The following PIAS4 variants were observed in gnomAD, a reference collection of about 807,000 sequenced individuals.
The protein encoded by PIAS4 is E3 SUMO-protein ligase PIAS4.
PIAS4 carries 7 observed loss-of-function variants against 58.0 expected under a neutral mutation model. The ratio of observed to expected loss-of-function variants is 0.12; its 90% CI spans 0.07 to 0.23. The LOEUF (loss-of-function observed/expected upper bound fraction) is 0.23. PIAS4 is among the 10% of genes least tolerant of loss of function. PIAS4 has a pLI of 1.00. For synonymous variants in PIAS4, 364 were observed against 312.4 expected (o/e 1.17, Z -1.74); for missense variants, 550 against 709.5 (o/e 0.78, Z 2.55).
intron 9 of PIAS4, among the ~76,000 whole-genome samples, chr19:4,035,575 G>A (rs969796270): frequency 2.6e-5 from 4 of 152,080 alleles, no homozygotes; most frequent in Admixed American, 6.5e-5. Context: ...TGGCATGGGC[G>A]TGGGGAGCCC....
At chr19:4,016,091 G>T (rs927625656) in intron 2 of PIAS4, among the ~76,000 whole-genome samples, 2 of 152,234 alleles carry the variant, frequency 1.3e-5, no homozygotes, top group East Asian at 3.8e-4. Context: ...AGAGGCTCTG[G>T]CCTGGACCTC....
chr19:4,029,059 G>T, intron 7 of PIAS4, 23 bp downstream of exon 7: 1 of 1,534,942 alleles, frequency 6.5e-7, no homozygotes. Context: ...GGCCACCTCG[G>T]CCGAGGGGTG....
chr19:4,018,229 C>T (rs541737163), intron 2 of PIAS4, among the ~76,000 whole-genome samples: 73 of 152,358 alleles, frequency 4.8e-4, no homozygotes, highest in African/African-American at 1.7e-3. Flanking sequence ...CCCTGCTGCC[C>T]GAGTGGGCCG....
intron 3 of PIAS4, among the ~76,000 whole-genome samples, chr19:4,025,822 G>A (rs553783948): frequency 5.1e-4 from 78 of 152,106 alleles, no homozygotes; most frequent in African/African-American, 1.7e-3. Flanking sequence ...AACTGTAATC[G>A]CAGCCCTTTG....
At chr19:4,034,165 G>T (rs1283562311) in intron 9 of PIAS4, among the ~76,000 whole-genome samples, 2 of 152,330 alleles carry the variant, frequency 1.3e-5, no homozygotes, top group Admixed American at 1.3e-4. Context: ...TGCGGCTCCT[G>T]CCCGGCGCCG....
At chr19:4,009,389 G>A (rs2039972362) in intron 1 of PIAS4, among the ~76,000 whole-genome samples, 1 of 152,194 alleles carries the variant, frequency 6.6e-6, no homozygotes, top group Non-Finnish European at 1.5e-5. Flanking sequence ...AAAGTGGCAG[G>A]CTCTGGGCTT....
chr19:4,038,011 T>G lies in PIAS4; in HGVS notation c.*136T>G. Reference sequence around the variant, plus strand: ...TTGTTTTTCCACCCTTTTGCCTGGCTCCTGGCACCTGTACCTCTGGACTCT... The same window carrying G: ...TTGTTTTTCCACCCTTTTGCCTGGCGCCTGGCACCTGTACCTCTGGACTCT... On this transcript the variant is annotated 3_prime_UTR_variant, in exon 11 of 11. Transcript: ENST00000262971. This position sits in a 1 kb window ranked among gnomAD's most constrained non-coding sequence, Gnocchi z 4.1. 13 of 827,906 alleles carry G rather than the reference T, an allele frequency of 1.6e-5. No individual in the cohort carries two copies. The highest frequency in any genetic ancestry group is 2.4e-5 in the Non-Finnish European group (13 of 538,272). 51.3% of individuals were successfully genotyped at this position (827,906 alleles called of 1,614,324 possible). A position where few individuals can be genotyped will look rare whatever the true frequency, so the allele number is the denominator to read the frequency against.
intron 2 of PIAS4, among the ~76,000 whole-genome samples, chr19:4,019,162 G>T (rs915892475): frequency 1.3e-5 from 2 of 152,188 alleles, no homozygotes; most frequent in Admixed American, 1.3e-4. Context: ...ATGCCACCTG[G>T]GTTTCTGGCC....
chr19:4,007,911 C>T, intron 1 of PIAS4, 124 bp downstream of exon 1: 1 of 698,602 alleles, frequency 1.4e-6, no homozygotes, highest in Middle Eastern at 5.0e-4. Flanking sequence ...GCTCGCCGTC[C>T]CGGCCCCCAG....
chr19:4,033,245 C>T (rs984161029), intron 8 of PIAS4, 72 bp downstream of exon 8: 30 of 1,509,668 alleles, frequency 2.0e-5, no homozygotes, highest in Middle Eastern at 1.7e-4. Context: ...GCCCTGGGCC[C>T]GGGGCGGCTT....
At chr19:4,030,618 C>CAA (rs900631829) in intron 7 of PIAS4, among the ~76,000 whole-genome samples, 5 of 121,336 alleles carry the variant, frequency 4.1e-5, no homozygotes, top group African/African-American at 1.2e-4. Flanking sequence ...GACTCCATCT[C>CAA]AAAAAAAAAA....
intron 7 of PIAS4, among the ~76,000 whole-genome samples, chr19:4,029,444 C>T (rs1461313210): frequency 2.0e-5 from 3 of 152,234 alleles, no homozygotes; most frequent in South Asian, 2.1e-4. Flanking sequence ...CGGGACCTGG[C>T]GGGTCACGGA....
intron 9 of PIAS4, among the ~76,000 whole-genome samples, chr19:4,036,868 CAT>C (rs1388499469): frequency 3.3e-5 from 5 of 151,286 alleles, no homozygotes; most frequent in Admixed American, 6.7e-5. Flanking sequence ...GCCACACATC[CAT>C]ACAGTCCACA....
At chr19:4,010,840 G>A (rs529960750) in intron 1 of PIAS4, among the ~76,000 whole-genome samples, 10 of 152,354 alleles carry the variant, frequency 6.6e-5, no homozygotes, top group African/African-American at 2.2e-4. Context: ...ACGGGGCCCC[G>A]CAGCCCTGAT....
intron 4 of PIAS4, 148 bp downstream of exon 4, chr19:4,028,335 G>A (rs2040188283): frequency 1.2e-6 from 1 of 815,138 alleles, no homozygotes. Context: ...CCTGTCTGGG[G>A]ATACATCACC....
Position 4,037,282 on chromosome 19 carries a change from G to C in PIAS4, c.1143-92G>C. On this transcript the variant is annotated intron_variant, in intron 9 of 10. Coordinates refer to ENST00000262971, the MANE Select transcript of PIAS4 (RefSeq NM_015897.4). The surrounding 1 kb of genome is among the most constrained non-coding windows in gnomAD (Gnocchi z 5.8). ...CTGCTCTTGCAGAGAGAAGTGGGGAGTGCCTGGCTGCATCCGGGAGGGATG... is the reference window on the plus strand; with the variant it reads ...CTGCTCTTGCAGAGAGAAGTGGGGACTGCCTGGCTGCATCCGGGAGGGATG... 1 of 1,473,654 alleles carries C rather than the reference G, an allele frequency of 6.8e-7. No individual in the cohort carries two copies. The highest frequency in any genetic ancestry group is 9.1e-7 in the Non-Finnish European group (1 of 1,097,900). 91.3% of individuals were successfully genotyped at this position (1,473,654 alleles called of 1,614,324 possible).
chr19:4,015,032 C>T (rs898640796), intron 2 of PIAS4, among the ~76,000 whole-genome samples: 1 of 152,190 alleles, frequency 6.6e-6, no homozygotes, highest in African/African-American at 2.4e-5. Flanking sequence ...CCTTTTTTCT[C>T]TTGCAGGAGG....
In PIAS4 at chr19:4,037,489, G is replaced by A. The variant is rs771465294; in HGVS notation, c.1258G>A (p.Ala420Thr). 24 of 1,610,512 alleles carry A rather than the reference G, an allele frequency of 1.5e-5. No homozygotes were observed. The highest frequency in any genetic ancestry group is 1.1e-4 in the East Asian group (5 of 44,876). Reference sequence around the variant, plus strand: ...GGAGCGCAGCTGCAGCCCGCAGGGCGCCATCCTCGTGCTGGGTGAGTGCCT... The same window carrying A: ...GGAGCGCAGCTGCAGCCCGCAGGGCACCATCCTCGTGCTGGGTGAGTGCCT... Reference protein sequence around the residue: ...EKERSCSPQGAILVLGPSDAN... With the variant: ...EKERSCSPQGTILVLGPSDAN... The change falls in exon 10 of 11, where the codon GCC becomes ACC. Residue 420 changes from alanine (A) to threonine (T), a missense_variant. Ala to Thr is a moderately conservative substitution (Grantham distance 58). Around this residue, in one of 4 missense-constraint regions of PIAS4, gnomAD observed 188 missense variants for 192.0 expected, o/e 0.98. Coordinates refer to ENST00000262971, the MANE Select transcript of PIAS4 (RefSeq NM_015897.4). The surrounding 1 kb of genome is among the most constrained non-coding windows in gnomAD (Gnocchi z 5.8).
At position 4,013,139 on chromosome 19, in the gene PIAS4, G is replaced by A; in HGVS notation, c.244G>A (p.Asp82Asn). ...TGCCCCACAGCCGCACCGGCCCCTG[G>A]ACCCCCTGACCATGCACTCCACCTA... ...EPAPQPHRPL[D>N]PLTMHSTYDR... The change falls in exon 2 of 11, where the codon GAC becomes AAC. Residue 82 changes from aspartate (D) to asparagine (N), a missense_variant. Transcript: ENST00000262971. This position sits in a 1 kb window ranked among gnomAD's most constrained non-coding sequence, Gnocchi z 5.1. 4 of 1,613,340 alleles carry A rather than the reference G, an allele frequency of 2.5e-6. No homozygotes were observed. Among genetic ancestry groups the A allele is most frequent in the Non-Finnish European group, 3.4e-6 (4 of 1,179,994 alleles).
Sources: allele counts gnomAD v4.1 joint callset (sites outside exome capture counted in the v4.1 genomes callset), GRCh38; gene constraint gnomAD v4.1.1; regional missense constraint gnomAD v4.1.1; non-coding constraint Gnocchi (gnomAD v3.1); transcripts MANE v1.5; gene names NCBI Gene and HGNC (gene_info 2026-07-23, HGNC 2026-07-21).